IRAG2: variants seen among roughly 807,000 people sequenced by gnomAD.
IRAG2 encodes inositol 1,4,5-triphosphate receptor associated 2.
Under a neutral mutation model 69.9 loss-of-function variants are expected in IRAG2, and 45 were observed. That is an observed-to-expected ratio of 0.64 (90% CI 0.51 to 0.83). The LOEUF is 0.83. Among genes scored for constraint, IRAG2 ranks in the 40% least tolerant of loss-of-function variants. The pLI is 0.00. For synonymous variants in IRAG2, 193 were observed against 202.4 expected, an observed-to-expected ratio of 0.95 and a Z score of 0.40; for missense variants, 520 against 587.0, an observed-to-expected ratio of 0.89 and a Z score of 1.18.
intron 6 of IRAG2, among the ~76,000 whole-genome samples, chr12:25,072,638 C>G (rs1946411672): frequency 6.6e-6 from 1 of 152,030 alleles, no homozygotes; most frequent in South Asian, 2.1e-4. Flanking sequence ...GTTTATCATC[C>G]CAGTGGACAC....
chr12:25,050,538 AACAAACAAACAAAC>A, upstream of IRAG2, among the ~76,000 whole-genome samples: 7 of 18,918 alleles, frequency 3.7e-4, 1 homozygote, highest in Admixed American at 5.5e-3. Flanking sequence ...AAAAAAAACA[AACAAACAAACAAAC>A]AAAAAAAAAC....
chr12:25,090,926 T>C, intron 14 of IRAG2: 4 of 442,256 alleles, frequency 9.0e-6, no homozygotes, highest in South Asian at 6.5e-5. Context: ...AAGAGAATGG[T>C]AACTGATTCA....
At chr12:25,013,134 G>C (rs1261749283) in intron 3 of IRAG2, among the ~76,000 whole-genome samples, 1 of 152,168 alleles carries the variant, frequency 6.6e-6, no homozygotes, top group Non-Finnish European at 1.5e-5. Context: ...GTGCAAGTTA[G>C]CATAGCTTTT....
At chr12:25,052,366 C>T (rs941720703), upstream of IRAG2, 1 of 398,422 alleles carries the variant, frequency 2.5e-6, no homozygotes, top group Non-Finnish European at 4.4e-6. Context: ...TGGCTCATGG[C>T]TACATTAGAT....
At chr12:25,103,659 A>G (rs1948876948) in intron 17 of IRAG2, 178 bp from the exon 18 acceptor site, 1 of 555,026 alleles carries the variant, frequency 1.8e-6, no homozygotes, top group Non-Finnish European at 3.2e-6. Flanking sequence ...GTGGAATATA[A>G]ATTGGTAAAA....
At chr12:25,063,202 A>G (rs1945738658) in intron 3 of IRAG2, among the ~76,000 whole-genome samples, 1 of 152,178 alleles carries the variant, frequency 6.6e-6, no homozygotes, top group Non-Finnish European at 1.5e-5. Context: ...AGCTGGGATT[A>G]CAGTCATACA....
chr12:25,064,603 T>C (rs1945848172), intron 4 of IRAG2, among the ~76,000 whole-genome samples: 1 of 152,142 alleles, frequency 6.6e-6, no homozygotes, highest in South Asian at 2.1e-4. Flanking sequence ...AAAGAAATGA[T>C]TATCAAAGTA....
upstream of IRAG2, among the ~76,000 whole-genome samples, chr12:25,000,208 G>A (rs1226848829): frequency 1.3e-5 from 2 of 152,246 alleles, no homozygotes; most frequent in African/African-American, 4.8e-5. Context: ...CACTTTGGGA[G>A]GCTGTGTTGG....
chr12:25,005,732 T>C (rs1944425743), intron 2 of IRAG2, among the ~76,000 whole-genome samples: 1 of 152,224 alleles, frequency 6.6e-6, no homozygotes. Flanking sequence ...TTCACTTCTG[T>C]TTTTCTTTAA....
At chr12:25,025,825 G>A (rs903164795) in intron 8 of IRAG2, among the ~76,000 whole-genome samples, 1 of 152,148 alleles carries the variant, frequency 6.6e-6, no homozygotes, top group African/African-American at 2.4e-5. Context: ...TTTTCTTCTG[G>A]TTGTTTCTAG....
At chr12:25,060,609 G>A (rs1488407706) in intron 1 of IRAG2, among the ~76,000 whole-genome samples, 1 of 151,258 alleles carries the variant, frequency 6.6e-6, no homozygotes, top group Non-Finnish European at 1.5e-5. Context: ...GAGGCTTATT[G>A]GAGATAGGAT....
intron 1 of IRAG2, among the ~76,000 whole-genome samples, chr12:25,055,780 T>G (rs751110411): frequency 2.6e-5 from 4 of 152,172 alleles, no homozygotes; most frequent in African/African-American, 4.8e-5. Context: ...ACAAAGGACA[T>G]GAACTCATCT....
At chr12:25,023,778 A>G in intron 7 of IRAG2, 1 of 573,234 alleles carries the variant, frequency 1.7e-6, no homozygotes, top group Non-Finnish European at 2.6e-6. Flanking sequence ...CTACATTCAA[A>G]GTTGGTAGAG....
At chr12:25,056,256 C>A (rs932251036) in intron 1 of IRAG2, among the ~76,000 whole-genome samples, 1 of 152,144 alleles carries the variant, frequency 6.6e-6, no homozygotes, top group Middle Eastern at 3.4e-3. Context: ...CCAAAGAAGG[C>A]GGGTGAAGGG....
intron 16 of IRAG2, among the ~76,000 whole-genome samples, chr12:25,044,184 G>C (rs187460964): frequency 7.5e-4 from 114 of 152,106 alleles, no homozygotes; most frequent in East Asian, 3.5e-3. Flanking sequence ...TATATGTGAT[G>C]GAATTTAGGT....
chr12:25,042,461 G>C (rs1944758284), intron 16 of IRAG2, among the ~76,000 whole-genome samples: 1 of 152,044 alleles, frequency 6.6e-6, no homozygotes, highest in Non-Finnish European at 1.5e-5. Context: ...TTTAACAGAT[G>C]GTACCATCTA....
chr12:25,022,470 G>T (rs758625650), intron 7 of IRAG2, among the ~76,000 whole-genome samples: 11 of 152,116 alleles, frequency 7.2e-5, no homozygotes, highest in Non-Finnish European at 1.2e-4. Context: ...TTCCAGCCTG[G>T]GTGTCTGAGA....
At chr12:25,009,392 T>C (rs1360453845) in intron 2 of IRAG2, among the ~76,000 whole-genome samples, 2 of 152,224 alleles carry the variant, frequency 1.3e-5, no homozygotes, top group African/African-American at 4.8e-5. Flanking sequence ...GTACCCTTAT[T>C]TATTTCCTTA....
At chr12:25,037,473 A>AT (rs1944710769) in intron 15 of IRAG2, among the ~76,000 whole-genome samples, 1 of 151,990 alleles carries the variant, frequency 6.6e-6, no homozygotes, top group South Asian at 2.1e-4. Flanking sequence ...TAATTTTTGT[A>AT]TTTTTAGTAG....
Sources: gnomAD v4.1 joint callset for allele counts (sites outside exome capture counted in the v4.1 genomes callset) on GRCh38, gnomAD v4.1.1 for gene constraint, MANE v1.5 for transcripts, NCBI Gene and HGNC (gene_info 2026-07-23, HGNC 2026-07-21) for gene names.